Variants in KCNAB2 observed in about 807,000 individuals in gnomAD.
KCNAB2 encodes the protein potassium voltage-gated channel subfamily A regulatory beta subunit 2.
In KCNAB2, 29 loss-of-function variants were observed where a neutral mutation model predicts 63.6. The observed-to-expected ratio is 0.46, with a 90% confidence interval of 0.34 to 0.62. The LOEUF (loss-of-function observed/expected upper bound fraction) is 0.62, where lower values mean the gene tolerates loss of function less well. Among genes scored for constraint, KCNAB2 ranks in the 20% least tolerant of loss-of-function variants. The pLI, the probability that KCNAB2 is intolerant of heterozygous loss-of-function variation, is 0.01. For missense variants in KCNAB2, 359 were observed against 563.9 expected (o/e 0.64, Z 3.68); for synonymous variants, 222 against 224.2 (o/e 0.99, Z 0.09).
chr1:6,051,540 C>T lies in KCNAB2; in HGVS notation c.4C>T (p.Leu2=). M[L]SMTYSESLRS... Reference sequence around the variant, plus strand: ...AGCTCCCAAGCCAGGCGGCACCATGCTGTCCATGACGTACAGCGAGAGTCT... The same window carrying T: ...AGCTCCCAAGCCAGGCGGCACCATGTTGTCCATGACGTACAGCGAGAGTCT... Residue 2 remains leucine (L), a synonymous_variant, in exon 2 of 16, where the codon CTG becomes TTG. Coordinates refer to ENST00000378083, the MANE Select transcript of KCNAB2 (RefSeq NM_001199862.2). The T allele has an allele frequency of 6.6e-7, 1 of 1,519,720 alleles. No homozygotes were observed. The highest frequency in any genetic ancestry group is 8.8e-7 in the Non-Finnish European group (1 of 1,134,728). The allele number at this position is 1,519,720 out of a possible 1,614,324, so 94.1% of individuals were successfully genotyped here.
chr1:6,074,403 C>T lies in KCNAB2; in HGVS notation c.300+633C>T, dbSNP rs1007951801. 7.9e-5 allele frequency among the ~76,000 whole-genome samples: 12 copies of T among 152,360 alleles called. No homozygotes were observed. The highest frequency in any genetic ancestry group is 2.1e-4 in the South Asian group (1 of 4,828). On this transcript the variant is annotated intron_variant, in intron 4 of 15. Transcript: ENST00000378083. This position sits in a 1 kb window ranked among gnomAD's most constrained non-coding sequence, Gnocchi z 4.9. Reference sequence around the variant, plus strand: ...CTCTCGGAAGGACAGGGACGGCACACGCCCAGACATGTGTGCTTCTGGACA... The same window carrying T: ...CTCTCGGAAGGACAGGGACGGCACATGCCCAGACATGTGTGCTTCTGGACA...
At chr1:6,034,653 C>G (rs912047586) in exon 1 of KCNAB2, 2 of 152,350 alleles carry the variant, frequency 1.3e-5, no homozygotes, top group Non-Finnish European at 2.9e-5. Context: ...TTGCACCCTC[C>G]GGAGAAAGCT....
At chr1:6,030,869 GGT>G (rs1388903830), upstream of KCNAB2, among the ~76,000 whole-genome samples, 1 of 146,288 alleles carries the variant, frequency 6.8e-6, no homozygotes, top group Non-Finnish European at 1.5e-5. Context: ...TGTATGTGTA[GGT>G]GTGTGTATGT....
At chr1:6,051,782 G>A in intron 2 of KCNAB2, 28 bp downstream of exon 2, 1 of 1,515,160 alleles carries the variant, frequency 6.6e-7, no homozygotes, top group Non-Finnish European at 8.8e-7. Flanking sequence ...GGGCGGTGGG[G>A]TGGGAAGTCT....
Position 6,087,665 on chromosome 1 carries a change from C to T in KCNAB2, c.470+154C>T, listed in dbSNP as rs557813632. On this transcript the variant is annotated intron_variant, in intron 7 of 15. Transcript: ENST00000378083. The surrounding 1 kb of genome is among the most constrained non-coding windows in gnomAD (Gnocchi z 6.4). ...GTCGGGGTCTGTCCTGGACAGGCCC[C>T]GGCCCAGTGCCATTTCCTGTCCCCA... Among the ~76,000 whole-genome samples, 599 of 152,282 alleles carry T rather than the reference C, an allele frequency of 3.9e-3. 3 individuals carry two copies. Among genetic ancestry groups the T allele is most frequent in the Non-Finnish European group, 6.6e-3 (450 of 68,020 alleles).
intron 2 of KCNAB2, 84 bp from the exon 3 acceptor site, chr1:6,072,671 G>T (rs755050911): frequency 1.1e-5 from 16 of 1,425,128 alleles, no homozygotes; most frequent in East Asian, 2.3e-5. Context: ...GGGAGTGGGT[G>T]GGGGGCTGGC....
intron 7 of KCNAB2, among the ~76,000 whole-genome samples, chr1:6,088,096 G>A (rs1664855267): frequency 6.6e-6 from 1 of 151,642 alleles, no homozygotes; most frequent in Non-Finnish European, 1.5e-5. Flanking sequence ...GTCTCGCTTT[G>A]TAATCCAGGT....
chr1:6,011,329 G>A (rs866773249), intron 1 of KCNAB2, among the ~76,000 whole-genome samples: 3 of 149,762 alleles, frequency 2.0e-5, no homozygotes, highest in Admixed American at 6.7e-5. Context: ...CCAAGTGTGC[G>A]GGAGACAGGC....
In KCNAB2 at chr1:6,095,512, C is replaced by T; in HGVS notation, c.854-18C>T. 2 of 1,612,132 alleles carry T rather than the reference C, an allele frequency of 1.2e-6. No homozygotes were observed. The highest frequency in any genetic ancestry group is 8.5e-7 in the Non-Finnish European group (1 of 1,179,208). On this transcript the variant is annotated intron_variant, in intron 12 of 15. Transcript: ENST00000378083. ...CTCTCGGGCCCAGGGCTTGACTCCA[C>T]CTGCTTTTCCTCTTCAGGAGTGGGC...
At chr1:6,082,353 C>T (rs933514899) in intron 5 of KCNAB2, 79 bp downstream of exon 5, 5 of 1,146,250 alleles carry the variant, frequency 4.4e-6, no homozygotes, top group South Asian at 2.5e-5. Flanking sequence ...CTGCCGCTCG[C>T]GTTCCCAAGA....
In KCNAB2 at chr1:6,090,374, C is replaced by T; in HGVS notation, c.515-15C>T. 1 of 1,606,172 alleles carries T rather than the reference C, an allele frequency of 6.2e-7. No homozygotes were observed. Among genetic ancestry groups the T allele is most frequent in the African/African-American group, 1.3e-5 (1 of 74,914 alleles). ...AGCCACAGCAGTGACGCCCCCCCAC[C>T]TGGTCCTCCCCCAGGTCTGAAAGCT... On this transcript the variant is annotated splice_polypyrimidine_tract_variant and intron_variant, in intron 8 of 15. Transcript: ENST00000378083.
intron 14 of KCNAB2, 81 bp from the exon 15 acceptor site, chr1:6,097,188 G>C (rs879520870): frequency 2.1e-6 from 3 of 1,428,390 alleles, no homozygotes; most frequent in Non-Finnish European, 2.8e-6. Flanking sequence ...TGGGTCTCTC[G>C]GCCCAGTCAG....
intron 7 of KCNAB2, 114 bp from the exon 8 acceptor site, chr1:6,088,894 A>T: frequency 1.0e-6 from 1 of 992,642 alleles, no homozygotes; most frequent in Non-Finnish European, 1.5e-6. Flanking sequence ...CCGACTCCAC[A>T]CGGCATTTGC....
At chr1:6,083,849 C>T (rs11121196) in intron 5 of KCNAB2, among the ~76,000 whole-genome samples, 4,224 of 152,258 alleles carry the variant, frequency 0.028, 196 homozygotes, top group African/African-American at 0.095. Context: ...TTCTGTGTCC[C>T]GCGAACAGAT....
chr1:5,999,058 G>A (rs1324584003), intron 1 of KCNAB2, among the ~76,000 whole-genome samples: 6 of 152,220 alleles, frequency 3.9e-5, no homozygotes, highest in Non-Finnish European at 7.3e-5. Context: ...ACCCTCTTTC[G>A]TCCGCCCCTT....
At chr1:6,048,031 G>A (rs1486306382) in intron 1 of KCNAB2, among the ~76,000 whole-genome samples, 8 of 152,194 alleles carry the variant, frequency 5.3e-5, no homozygotes, top group African/African-American at 1.7e-4. Flanking sequence ...AGGGAGGGAC[G>A]CCCTCTAAAT....
chr1:5,996,489 C>T (rs1037567959), intron 1 of KCNAB2, among the ~76,000 whole-genome samples: 1 of 152,226 alleles, frequency 6.6e-6, no homozygotes, highest in Admixed American at 6.5e-5. Context: ...CCCTGCTCTG[C>T]GCAGTGACCA....
chr1:6,038,858 G>A (rs973319739), intron 1 of KCNAB2, among the ~76,000 whole-genome samples: 1 of 152,250 alleles, frequency 6.6e-6, no homozygotes, highest in African/African-American at 2.4e-5. Context: ...TTCATGGGTT[G>A]CTGTGGATGG....
At chr1:6,016,583 T>C (rs569938353) in intron 1 of KCNAB2, among the ~76,000 whole-genome samples, 1 of 152,344 alleles carries the variant, frequency 6.6e-6, no homozygotes, top group South Asian at 2.1e-4. Context: ...GACAGGCGTC[T>C]ACCAGAAAAC....
Sources: gnomAD v4.1 joint callset for allele counts (sites outside exome capture counted in the v4.1 genomes callset) on GRCh38, gnomAD v4.1.1 for gene constraint, Gnocchi (gnomAD v3.1) non-coding constraint, MANE v1.5 for transcripts, NCBI Gene and HGNC (gene_info 2026-07-23, HGNC 2026-07-21) for gene names.